FBXW5: variants seen among roughly 807,000 people sequenced by gnomAD.
FBXW5 encodes F-box and WD repeat domain containing 5, also known as F-box/WD repeat-containing protein 5.
In FBXW5, 74 loss-of-function variants were observed where a neutral mutation model predicts 50.9. That is an observed-to-expected ratio of 1.45 (90% confidence interval 1.20 to 1.76). The LOEUF (loss-of-function observed/expected upper bound fraction) is 1.76. Ranked by LOEUF, FBXW5 falls within the 40% of genes most tolerant of loss-of-function variation. FBXW5 has a pLI of 0.00. For missense variants in FBXW5, 1,073 were observed against 818.8 expected (o/e 1.31, Z -3.79); for synonymous variants, 523 against 362.2 (o/e 1.44, Z -5.04).
chr9:136,942,500 G>A lies in FBXW5; in HGVS notation c.676-34C>T, dbSNP rs184552149. ...GGGGGCACGTGCCAGGTGGGCGCCGGGCGCCAGGCCCCAGGAGGGCAGCCC... is the reference window on the plus strand; with the variant it reads ...GGGGGCACGTGCCAGGTGGGCGCCGAGCGCCAGGCCCCAGGAGGGCAGCCC... On this transcript the variant is annotated intron_variant, in intron 5 of 8. Coordinates refer to ENST00000325285, the MANE Select transcript of FBXW5 (RefSeq NM_018998.4). 5.1e-4 allele frequency: 812 copies of A among 1,597,238 alleles called. 2 individuals carry two copies. The highest frequency in any genetic ancestry group is 2.0e-3 in the Middle Eastern group (12 of 6,010).
Position 136,942,611 on chromosome 9 carries a change from C to T in FBXW5, c.611G>A (p.Gly204Glu), listed in dbSNP as rs1369154056. ...GATATCTCCGATGCGGTGCAGGTTC[C>T]CCGAGATGAGGCTGGTCTCGGTGAG... ...CWLTETSLIS[G>E]NLHRIGDITS... is the part of the protein sequence containing the mutation. The change falls in exon 5 of 9, where the codon GGG becomes GAG. Residue 204 changes from glycine (G) to glutamate (E), a missense_variant. Coordinates refer to ENST00000325285, the MANE Select transcript of FBXW5 (RefSeq NM_018998.4). The T allele has an allele frequency of 6.2e-7, 1 of 1,610,680 alleles. No individual in the cohort carries two copies. The highest frequency in any genetic ancestry group is 1.3e-5 in the African/African-American group (1 of 74,970).
chr9:136,942,748 C>T (rs775839145), intron 4 of FBXW5, 21 bp downstream of exon 4: 11 of 1,611,594 alleles, frequency 6.8e-6, no homozygotes, highest in Non-Finnish European at 8.5e-6. Context: ...GGGGCAGGGT[C>T]AACCCGCCGC....
rs769950338 is a variant in FBXW5, at chr9:136,941,237, G to A, written c.1457+14C>T. 8 of 1,601,426 alleles carry A rather than the reference G, an allele frequency of 5.0e-6. No homozygotes were observed. The highest frequency in any genetic ancestry group is 3.4e-5 in the Admixed American group (2 of 59,576). On this transcript the variant is annotated intron_variant, in intron 8 of 8. Transcript: ENST00000325285. Reference sequence around the variant, plus strand: ...GCTGCCCACACCCGCCCTGCACCACGCCGCGCCCTGCACCTGGCCACGAAG... The same window carrying A: ...GCTGCCCACACCCGCCCTGCACCACACCGCGCCCTGCACCTGGCCACGAAG...
chr9:136,941,589 CGTG>C lies in FBXW5; in HGVS notation c.1189_1191del (p.His397del). The C allele has an allele frequency of 1.9e-6, 3 of 1,607,400 alleles. No individual in the cohort carries two copies. The highest frequency in any genetic ancestry group is 2.5e-6 in the Non-Finnish European group (3 of 1,177,766). On this transcript the variant is annotated inframe_deletion, in exon 7 of 9. Coordinates refer to ENST00000325285, the MANE Select transcript of FBXW5 (RefSeq NM_018998.4). Reference sequence around the variant, plus strand: ...ATGATGTGTCCGTGTATGTCTATGACGTGGTCCAGCGCGTCGAAGAAGGCATCG... The same window carrying C: ...ATGATGTGTCCGTGTATGTCTATGACGTCCAGCGCGTCGAAGAAGGCATCG...
In FBXW5 at chr9:136,943,262, C is replaced by T; in HGVS notation, c.351+87G>A. 8 of 1,366,762 alleles carry T rather than the reference C, an allele frequency of 5.9e-6. No homozygotes were observed. The South Asian group carries it at 9.1e-5, about 16-fold the overall frequency. The allele number at this position is 1,366,762 out of a possible 1,614,324, so 84.7% of individuals were successfully genotyped here. On this transcript the variant is annotated intron_variant, in intron 3 of 8. Transcript: ENST00000325285. ...TGGCCTGACCCACCCCCCCCCCCAC[C>T]ACCACCTGGTTGGAACGCCTGGGTC...
chr9:136,942,729 C>G, intron 4 of FBXW5, 34 bp from the exon 5 acceptor site: 1 of 1,610,902 alleles, frequency 6.2e-7, no homozygotes, highest in East Asian at 2.2e-5. Flanking sequence ...AGGCTGTCGG[C>G]GTGGGGCGGG....
In FBXW5 at chr9:136,941,254, G is replaced by A. The variant is rs1334129285; in HGVS notation, c.1454C>T (p.Ala485Val). 1.9e-6 allele frequency: 3 copies of A among 1,604,192 alleles called. No homozygotes were observed. Among genetic ancestry groups the A allele is most frequent in the Non-Finnish European group, 2.5e-6 (3 of 1,179,286 alleles). ...TGCACCACGCCGCGCCCTGCACCTG[G>A]CCACGAAGTCCCTGCTGACGTCCAG... ...IFLDVSRDFV[A>V]SGAEDRHGYI... The change falls in exon 8 of 9, where the codon GCC becomes GTC. Residue 485 changes from alanine (A) to valine (V), a missense_variant. By Grantham distance (64) the Ala-to-Val change is moderately conservative (BLOSUM62 0). Transcript: ENST00000325285.
At chr9:136,944,236 G>A (rs1850942094) in intron 1 of FBXW5, 130 bp from the exon 2 acceptor site, 1 of 1,103,666 alleles carries the variant, frequency 9.1e-7, no homozygotes, top group Admixed American at 3.4e-5. Flanking sequence ...GGGACGCCCG[G>A]GTACCGCCGC....
Position 136,942,813 on chromosome 9 carries a change from C to T in FBXW5, c.482G>A (p.Gly161Glu). The part of the protein sequence containing the change: ...SLLLASGVFL[G>E]PHNSSSGEIA... ...CTCGCCGGATGAGGAGTTGTGCGGC[C>T]CCAGGAACACCCCCGAGGCCAGCAG... Residue 161 changes from glycine (G) to glutamate (E), a missense_variant, in exon 4 of 9, where the codon GGG (glycine) becomes GAG (glutamate). Physicochemically the swap from Gly to Glu is moderately conservative, Grantham distance 98 (BLOSUM62 -2). Transcript: ENST00000325285. The T allele has an allele frequency of 2.5e-6, 4 of 1,613,234 alleles. No individual in the cohort carries two copies. The highest frequency in any genetic ancestry group is 3.4e-6 in the Non-Finnish European group (4 of 1,179,948).
rs147681293 is a variant in FBXW5 at position 136,942,668 on chromosome 9, C to T, written c.554G>A (p.Arg185Gln). The change falls in exon 5 of 9, where the codon CGG becomes CAG. Residue 185 changes from arginine (R) to glutamine (Q), a missense_variant. Transcript: ENST00000325285. Reference protein sequence around the residue: ...LDSFALLSRVRNKPYDVFGCW... With the variant: ...LDSFALLSRVQNKPYDVFGCW... ...GCCAAACACGTCATAGGGCTTGTTC[C>T]GCACGCGGGACAGCAGCGCGAAGGA... The T allele has an allele frequency of 1.2e-4, 199 of 1,610,192 alleles. No homozygotes were observed. The highest frequency in any genetic ancestry group is 1.6e-4 in the Non-Finnish European group (184 of 1,178,906).
At position 136,944,006 on chromosome 9, in the gene FBXW5, C is replaced by T. The variant is rs770485241; in HGVS notation, c.78G>A (p.Val26=). 47 of 1,597,166 alleles carry T rather than the reference C, an allele frequency of 2.9e-5. No homozygotes were observed. In the East Asian group the frequency reaches 3.4e-4, roughly 12 times the overall value. The change falls in exon 2 of 9, where the codon GTG becomes GTA. Residue 26 remains valine (V), a synonymous_variant. Coordinates refer to ENST00000325285, the MANE Select transcript of FBXW5 (RefSeq NM_018998.4). Reference sequence around the variant, plus strand: ...GGCGGCACACCAGCCCGGCGGCCAGCACGTCGGCCGGGCCCAGGCTCAGGA... The same window carrying T: ...GGCGGCACACCAGCCCGGCGGCCAGTACGTCGGCCGGGCCCAGGCTCAGGA... ...QIFLSLGPAD[V]LAAGLVCRQW...
rs1850774282 is a variant in FBXW5, at chr9:136,941,648, GC to G, written c.1132del (p.Ala378GlnfsTer22). The part of the protein sequence containing the change: ...KQILPHQMTT[A>X]GPVLGEGRGS... ...CCGGCCCTCACCCAGCACGGGCCCTGCCGTGGTCATCTGGTGTGGCAGGATC... is the reference window on the plus strand; with the variant it reads ...CCGGCCCTCACCCAGCACGGGCCCTGCGTGGTCATCTGGTGTGGCAGGATC... On this transcript the variant is annotated frameshift_variant, in exon 7 of 9. Transcript: ENST00000325285. LOFTEE classifies it high-confidence loss of function. 1.9e-6 allele frequency: 3 copies of G among 1,569,962 alleles called. No homozygotes were observed. The highest frequency in any genetic ancestry group is 2.6e-6 in the Non-Finnish European group (3 of 1,158,028).
In FBXW5 at chr9:136,944,109, G is replaced by GAAACCCACCAACGGCTGCCCTC. The variant is rs572095534; in HGVS notation, c.-23-25_-23-4dup. ...CGTGACATTCTGCCCAGGCGGCCCT[G>GAAACCCACCAACGGCTGCCCTC]AAACCCACCAACGGCTGCCCTCAGC... On this transcript the variant is annotated splice_region_variant and splice_polypyrimidine_tract_variant and intron_variant, in intron 1 of 8. Transcript: ENST00000325285. 365 of 1,560,924 alleles carry GAAACCCACCAACGGCTGCCCTC rather than the reference G, an allele frequency of 2.3e-4. 3 individuals carry two copies. The East Asian group carries it at 8.1e-3, about 35-fold the overall frequency.
In FBXW5 at chr9:136,942,085, A is replaced by T. The variant is rs772802001; in HGVS notation, c.1057T>A (p.Phe353Ile). The T allele has an allele frequency of 2.5e-6, 4 of 1,612,302 alleles. No homozygotes were observed. The South Asian group carries it at 3.3e-5, about 13-fold the overall frequency. Residue 353 changes from phenylalanine (F) to isoleucine (I), a missense_variant, in exon 6 of 9, where the codon TTC (phenylalanine) becomes ATC (isoleucine). By Grantham distance (21) the Phe-to-Ile change is conservative. Coordinates refer to ENST00000325285, the MANE Select transcript of FBXW5 (RefSeq NM_018998.4). ...ATGAKSKYLI[F>I]TTGCLTYSPH... ...GAGTAGGTGAGGCAGCCAGTGGTGAAGATGAGGTACTTGCTCTTGGCGCCT... is the reference window on the plus strand; with the variant it reads ...GAGTAGGTGAGGCAGCCAGTGGTGATGATGAGGTACTTGCTCTTGGCGCCT...
chr9:136,942,583 G>A lies in FBXW5; in HGVS notation c.639C>T (p.Thr213=), dbSNP rs1422866943. ...SGNLHRIGDI[T]SCSVLWLNNA... is the part of the protein sequence containing the mutation. ...TGTTGAGCCACAGCACCGAGCAGGA[G>A]GTGATATCTCCGATGCGGTGCAGGT... is the stretch of plus-strand genomic sequence containing the variant. Residue 213 remains threonine (T), a synonymous_variant, in exon 5 of 9, where the codon ACC becomes ACT. Transcript: ENST00000325285. The A allele has an allele frequency of 2.5e-6, 4 of 1,611,898 alleles. No homozygotes were observed. The highest frequency in any genetic ancestry group is 1.7e-5 in the Admixed American group (1 of 59,864).
In FBXW5 at chr9:136,941,314, G is replaced by A; in HGVS notation, c.1394C>T (p.Ala465Val). 1.2e-6 allele frequency: 2 copies of A among 1,609,040 alleles called. No homozygotes were observed. The highest frequency in any genetic ancestry group is 2.2e-5 in the East Asian group (1 of 44,774). ...EVRRALRAHR[A>V]YTPNDECFFI... The stretch of plus-strand genomic sequence containing the variant: ...GAAGCACTCGTCGTTGGGCGTGTAG[G>A]CGCGGTGCGCACGCAGAGCCCGCCT... The change falls in exon 8 of 9, where the codon GCC (alanine) becomes GTC (valine). Residue 465 changes from alanine (A) to valine (V), a missense_variant. By Grantham distance (64) the Ala-to-Val change is moderately conservative. Transcript: ENST00000325285.
chr9:136,942,108 C>A lies in FBXW5; in HGVS notation c.1034G>T (p.Gly345Val), dbSNP rs1564434073. ...GAAGATGAGGTACTTGCTCTTGGCG[C>A]CTGTGGCACTGCGCTCGGGTGGCTT... ...HTKPPERSATGAKSKYLIFTT... is the reference protein window; with the variant it reads ...HTKPPERSATVAKSKYLIFTT... Residue 345 changes from glycine (G) to valine (V), a missense_variant, in exon 6 of 9, where the codon GGC becomes GTC. Coordinates refer to ENST00000325285, the MANE Select transcript of FBXW5 (RefSeq NM_018998.4). 1 of 1,612,922 alleles carries A rather than the reference C, an allele frequency of 6.2e-7. No individual in the cohort carries two copies. Among genetic ancestry groups the A allele is most frequent in the Admixed American group, 1.7e-5 (1 of 59,926 alleles).
At chr9:136,943,584 G>C in intron 2 of FBXW5, 78 bp from the exon 3 acceptor site, 1 of 1,516,116 alleles carries the variant, frequency 6.6e-7, no homozygotes, top group Non-Finnish European at 8.9e-7. Context: ...GGCCCCAGCA[G>C]TCCTGGCAGG....
chr9:136,941,859 C>T (rs977007474), intron 6 of FBXW5, 175 bp from the exon 7 acceptor site: 51 of 1,435,832 alleles, frequency 3.6e-5, no homozygotes, highest in Non-Finnish European at 4.4e-5. Flanking sequence ...TGCTGGCCAG[C>T]GGCCCTGCCT....
Sources: allele counts gnomAD v4.1 joint callset, GRCh38; gene constraint gnomAD v4.1.1; transcripts MANE v1.5; gene names NCBI Gene and HGNC (gene_info 2026-07-23, HGNC 2026-07-21).